MTFR1: variants seen among roughly 807,000 people sequenced by gnomAD.
MTFR1 encodes chondrocyte protein with a poly-proline region.
In MTFR1, 28 loss-of-function variants were observed where a neutral mutation model predicts 38.8. The observed-to-expected ratio is 0.72, with a 90% CI of 0.53 to 0.99. The LOEUF (loss-of-function observed/expected upper bound fraction) is 0.99. Among genes scored for constraint, MTFR1 ranks in the 50% least tolerant of loss-of-function variants. The pLI, the probability that MTFR1 is intolerant of heterozygous loss-of-function variation, is 0.00. For missense variants in MTFR1, 358 were observed against 395.5 expected, an observed-to-expected ratio of 0.91 and a Z score of 0.81; for synonymous variants, 145 against 137.0, an observed-to-expected ratio of 1.06 and a Z score of -0.41.
intron 3 of MTFR1, chr8:65,719,609 A>G: frequency 2.9e-6 from 2 of 691,816 alleles, no homozygotes. Flanking sequence ...CCCAGATCTT[A>G]TTCTTCAAAA....
At chr8:65,757,234 A>T (rs1808276067) in intron 3 of MTFR1, among the ~76,000 whole-genome samples, 1 of 152,186 alleles carries the variant, frequency 6.6e-6, no homozygotes, top group Non-Finnish European at 1.5e-5. Context: ...AGGTCAGAGA[A>T]ATTGTTTTTC....
chr8:65,719,538 A>G (rs553377921), intron 3 of MTFR1: 1 of 1,267,568 alleles, frequency 7.9e-7, no homozygotes, highest in Admixed American at 1.7e-5. Flanking sequence ...ATATGCTGAA[A>G]CTCTATCTTT....
intron 2 of MTFR1, among the ~76,000 whole-genome samples, chr8:65,670,483 C>A (rs1804538180): frequency 6.6e-6 from 1 of 152,030 alleles, no homozygotes; most frequent in African/African-American, 2.4e-5. Context: ...TTGTTCTATG[C>A]TAGAGATATT....
intron 4 of MTFR1, among the ~76,000 whole-genome samples, chr8:65,699,302 C>G (rs560756494): frequency 6.6e-6 from 1 of 152,154 alleles, no homozygotes; most frequent in East Asian, 1.9e-4. Context: ...GTGATGAACA[C>G]GTGTGCTTGT....
At chr8:65,656,564 C>T (rs1256611149) in intron 1 of MTFR1, among the ~76,000 whole-genome samples, 5 of 147,724 alleles carry the variant, frequency 3.4e-5, no homozygotes, top group African/African-American at 1.0e-4. Context: ...TGCAATGGCG[C>T]GATCTTGGCT....
chr8:65,724,760 T>C, intron 3 of MTFR1: 1 of 1,594,092 alleles, frequency 6.3e-7, no homozygotes, highest in Middle Eastern at 1.7e-4. Context: ...ATAGAATGTT[T>C]CCAAGCCCCA....
intron 1 of MTFR1, among the ~76,000 whole-genome samples, chr8:65,659,922 T>C (rs1809365275): frequency 6.6e-6 from 1 of 152,206 alleles, no homozygotes; most frequent in South Asian, 2.1e-4. Context: ...CTCTGTATTC[T>C]TTATCTCTAG....
downstream of MTFR1, among the ~76,000 whole-genome samples, chr8:65,772,808 A>C (rs1296865410): frequency 1.3e-5 from 2 of 152,186 alleles, no homozygotes; most frequent in East Asian, 3.9e-4. Flanking sequence ...GTTCAAGACC[A>C]GTCTGACCAA....
intron 3 of MTFR1, chr8:65,739,641 C>G (rs1351817742): frequency 7.0e-7 from 1 of 1,424,928 alleles, no homozygotes; most frequent in East Asian, 2.7e-5. Context: ...AAATACAAGT[C>G]AACACAATTA....
Position 65,758,518 on chromosome 8 carries a change from CA to C in MTFR1, c.*49-12426del, listed in dbSNP as rs565733551. ...TCACCAGATCCACCAGAAAAAGACA[CA>C]AATCTTGTGGGGACACTCCTTTAGT... On this transcript the variant is annotated intron_variant, in intron 3 of 3. Transcript: ENST00000521247. Among the ~76,000 whole-genome samples the C allele has an allele frequency of 1.3e-3, 192 of 152,306 alleles. 2 individuals carry two copies. The highest frequency in any genetic ancestry group is 6.0e-4 in the Non-Finnish European group (41 of 68,024).
intron 2 of MTFR1, chr8:65,719,366 T>C: frequency 6.2e-7 from 1 of 1,614,086 alleles, no homozygotes; most frequent in Non-Finnish European, 8.5e-7. Flanking sequence ...ACTGCTCGAC[T>C]GTTCTCTCTG....
At chr8:65,679,786 T>C (rs2129053112) in intron 2 of MTFR1, 1 of 152,352 alleles carries the variant, frequency 6.6e-6, no homozygotes, top group Middle Eastern at 3.4e-3. Flanking sequence ...TCCTTTCCCT[T>C]AGTCCTCACG....
chr8:65,729,084 G>A (rs1806726346), intron 3 of MTFR1, among the ~76,000 whole-genome samples: 1 of 152,022 alleles, frequency 6.6e-6, no homozygotes, highest in Non-Finnish European at 1.5e-5. Context: ...TTTTTAAGGT[G>A]GATTAAAAGA....
At chr8:65,722,143 GA>G (rs1427797065) in intron 3 of MTFR1, 1 of 152,164 alleles carries the variant, frequency 6.6e-6, no homozygotes, top group Non-Finnish European at 1.5e-5. Context: ...TTCTACTTGA[GA>G]ATCAAGACAA....
chr8:65,664,374 C>T (rs972244196), intron 1 of MTFR1, among the ~76,000 whole-genome samples: 3 of 151,994 alleles, frequency 2.0e-5, no homozygotes, highest in African/African-American at 4.8e-5. Context: ...TGAATCTCAC[C>T]GTGTTGAATT....
At chr8:65,729,993 T>C (rs1235811123) in intron 3 of MTFR1, among the ~76,000 whole-genome samples, 6 of 151,804 alleles carry the variant, frequency 4.0e-5, no homozygotes, top group Non-Finnish European at 7.4e-5. Context: ...CCCCAGGCCA[T>C]GGACCGGTAC....
At position 65,707,912 on chromosome 8, in the gene MTFR1, G is replaced by T; in HGVS notation, c.834G>T (p.Leu278=). The T allele has an allele frequency of 6.2e-7, 1 of 1,614,126 alleles. No homozygotes were observed. Among genetic ancestry groups the T allele is most frequent in the Non-Finnish European group, 8.5e-7 (1 of 1,180,028 alleles). Residue 278 remains leucine (L), a synonymous_variant, in exon 7 of 8, where the codon CTG becomes CTT. Coordinates refer to ENST00000262146, the MANE Select transcript of MTFR1 (RefSeq NM_014637.4). Reference sequence around the variant, plus strand: ...CTGCTGCCCTCATAGCAGAGGCTCTGAAAAAGAAATTTGCTTATCGGTATC... The same window carrying T: ...CTGCTGCCCTCATAGCAGAGGCTCTTAAAAAGAAATTTGCTTATCGGTATC... The part of the protein sequence containing the change: ...TDPAALIAEA[L]KKKFAYRYRS...
rs1215794472 is a variant in MTFR1, at chr8:65,667,424, CT to C, written c.-80-2443del. 1.5e-4 allele frequency among the ~76,000 whole-genome samples: 22 copies of C among 150,920 alleles called. 1 individual carries two copies. The highest frequency in any genetic ancestry group is 1.2e-3 in the Admixed American group (18 of 15,124). On this transcript the variant is annotated intron_variant, in intron 1 of 7. Transcript: ENST00000262146. Reference sequence around the variant, plus strand: ...TTTGGTGAATTCAGCAAACTTTCTTCTTTTTTCTTTTCTTTTTTTTGAGATG... The same window carrying C: ...TTTGGTGAATTCAGCAAACTTTCTTCTTTTTCTTTTCTTTTTTTTGAGATG...
intron 3 of MTFR1, among the ~76,000 whole-genome samples, chr8:65,730,698 C>A (rs553600536): frequency 6.6e-6 from 1 of 152,056 alleles, no homozygotes; most frequent in East Asian, 1.9e-4. Flanking sequence ...AGGGCCAAGG[C>A]AGGCAGATCA....
Sources: allele counts gnomAD v4.1 joint callset (sites outside exome capture counted in the v4.1 genomes callset), GRCh38; gene constraint gnomAD v4.1.1; transcripts MANE v1.5; gene names NCBI Gene and HGNC (gene_info 2026-07-23, HGNC 2026-07-21).